SLFN11: variants seen among roughly 807,000 people sequenced by gnomAD.
SLFN11 encodes schlafen family member 11.
A neutral mutation model predicts 53.4 loss-of-function variants in SLFN11; 43 were observed. That is an observed-to-expected ratio of 0.80 (90% CI 0.63 to 1.04). The LOEUF is 1.04. SLFN11 is among the 50% of genes least tolerant of loss of function. SLFN11 has a pLI of 0.00. For missense variants in SLFN11, 990 were observed against 1,079.1 expected, an observed-to-expected ratio of 0.92 and a Z score of 1.16; for synonymous variants, 389 against 394.7, an observed-to-expected ratio of 0.99 and a Z score of 0.17.
chr17:35,360,452 G>C, intron 4 of SLFN11, 81 bp from the exon 5 acceptor site: 1 of 1,291,566 alleles, frequency 7.7e-7, no homozygotes, highest in Non-Finnish European at 1.1e-6. Context: ...TGGAATGTGT[G>C]ACTTTCTAAA....
chr17:35,363,880 T>A, intron 3 of SLFN11, 54 bp from the exon 4 acceptor site: 1 of 1,384,488 alleles, frequency 7.2e-7, no homozygotes. Flanking sequence ...TAAAAGGGTA[T>A]TTATTTTGTG....
intron 2 of SLFN11, 100 bp from the exon 3 acceptor site, chr17:35,367,163 AT>A (rs1218354969): frequency 6.6e-6 from 1 of 151,942 alleles, no homozygotes; most frequent in Non-Finnish European, 1.5e-5. Flanking sequence ...TCAAAATTCC[AT>A]TCTGCATTCC....
intron 1 of SLFN11, among the ~76,000 whole-genome samples, chr17:35,371,157 C>T (rs1404231330): frequency 1.3e-5 from 2 of 151,890 alleles, no homozygotes; most frequent in Non-Finnish European, 2.9e-5. Context: ...AGAACCCAGA[C>T]ACAAATACAC....
rs1440893778 is a variant in SLFN11, at chr17:35,362,984, T to C, written c.824A>G (p.Glu275Gly). 6.2e-7 allele frequency: 1 copy of C among 1,613,856 alleles called. No individual in the cohort carries two copies. The highest frequency in any genetic ancestry group is 8.5e-7 in the Non-Finnish European group (1 of 1,179,946). Residue 275 changes from glutamate (E) to glycine (G), a missense_variant, in exon 4 of 7, where the codon GAA becomes GGA. Physicochemically the swap from Glu to Gly is moderately conservative, Grantham distance 98 (BLOSUM62 -2). Around this residue, in one of 3 missense-constraint regions of SLFN11, gnomAD observed 521 missense variants for 516.2 expected, o/e 1.01. Transcript: ENST00000685675. ...VDPDSLRRKI[E>G]QAIYKLPCVH... ...ACAAGGTAGTTTGTATATGGCTTGT[T>C]CTATTTTCCTTCTCAAAGAGTCAGG...
chr17:35,363,553 A>T lies in SLFN11; in HGVS notation c.255T>A (p.Ile85=), dbSNP rs1466631616. ...LDLEQSLREL[I]QSSDLQAFFE... ...AGAAAGCCTGCAGATCTGAAGACTGAATAAGCTCTCTCAAAGACTGTTCTA... is the reference window on the plus strand; with the variant it reads ...AGAAAGCCTGCAGATCTGAAGACTGTATAAGCTCTCTCAAAGACTGTTCTA... The change falls in exon 4 of 7, where the codon ATT becomes ATA. Residue 85 remains isoleucine (I), a synonymous_variant. Transcript: ENST00000685675. The T allele has an allele frequency of 1.2e-6, 2 of 1,614,038 alleles. No individual in the cohort carries two copies. Among genetic ancestry groups the T allele is most frequent in the Admixed American group, 1.7e-5 (1 of 60,006 alleles).
At chr17:35,367,170 A>G (rs546445242) in intron 2 of SLFN11, 107 bp from the exon 3 acceptor site, 5 of 152,008 alleles carry the variant, frequency 3.3e-5, no homozygotes, top group Non-Finnish European at 7.4e-5. Context: ...TCCATTCTGC[A>G]TTCCAAGACC....
chr17:35,369,768 G>A (rs1319110957), intron 1 of SLFN11, among the ~76,000 whole-genome samples: 1 of 152,038 alleles, frequency 6.6e-6, no homozygotes, highest in African/African-American at 2.4e-5. Flanking sequence ...GGAAAATCTA[G>A]AGGAAATAAA....
chr17:35,370,791 T>C (rs899138927), intron 1 of SLFN11, among the ~76,000 whole-genome samples: 4 of 151,932 alleles, frequency 2.6e-5, no homozygotes, highest in Admixed American at 6.6e-5. Context: ...ATAAAAACTA[T>C]AAAATCATGA....
intron 3 of SLFN11, among the ~76,000 whole-genome samples, chr17:35,364,558 A>G (rs1340196255): frequency 6.6e-6 from 1 of 152,176 alleles, no homozygotes; most frequent in Non-Finnish European, 1.5e-5. Context: ...ACACCTGGGC[A>G]GTGGGCACCA....
rs1018415887 is a variant in SLFN11 at position 35,360,331 on chromosome 17, A to G, written c.1110T>C (p.Ser370=). ...TGCTAAGGGGAGGCCCACTAGATAGACTCAGCTGACATTCAAAATCTTCAG... is the reference window on the plus strand; with the variant it reads ...TGCTAAGGGGAGGCCCACTAGATAGGCTCAGCTGACATTCAAAATCTTCAG... The part of the protein sequence containing the change: ...QLSEDFECQL[S]LSSGPPLSRP... Residue 370 remains serine (S), a synonymous_variant, in exon 5 of 7, where the codon AGT becomes AGC. Coordinates refer to ENST00000685675, the MANE Select transcript of SLFN11 (RefSeq NM_001376007.1). 1.2e-6 allele frequency: 2 copies of G among 1,609,194 alleles called. No individual in the cohort carries two copies. Among genetic ancestry groups the G allele is most frequent in the African/African-American group, 2.7e-5 (2 of 74,056 alleles).
At chr17:35,365,079 C>G (rs1007771551) in intron 3 of SLFN11, among the ~76,000 whole-genome samples, 17 of 151,588 alleles carry the variant, frequency 1.1e-4, no homozygotes, top group African/African-American at 4.1e-4. Context: ...CAGTGAAAGC[C>G]CTGAAAAGAG....
At chr17:35,373,141 A>G (rs1216399966) in intron 1 of SLFN11, among the ~76,000 whole-genome samples, 1 of 152,030 alleles carries the variant, frequency 6.6e-6, no homozygotes, top group African/African-American at 2.4e-5. Flanking sequence ...GTGGCCTTCT[A>G]GGCTTCGGTT....
chr17:35,366,553 C>T (rs1167451789), intron 3 of SLFN11, among the ~76,000 whole-genome samples: 1 of 151,834 alleles, frequency 6.6e-6, no homozygotes, highest in East Asian at 1.9e-4. Flanking sequence ...TCAGTAAATT[C>T]ATAAACTATT....
chr17:35,361,263 G>A (rs554642910), intron 4 of SLFN11, among the ~76,000 whole-genome samples: 1 of 152,208 alleles, frequency 6.6e-6, no homozygotes, highest in African/African-American at 2.4e-5. Flanking sequence ...TGCAAGGCAA[G>A]AAATATTTCA....
At chr17:35,365,432 C>G (rs967746086) in intron 3 of SLFN11, among the ~76,000 whole-genome samples, 1 of 149,876 alleles carries the variant, frequency 6.7e-6, no homozygotes, top group Non-Finnish European at 1.5e-5. Flanking sequence ...TACAGGCGCA[C>G]AGCCACTATA....
At chr17:35,354,633 C>T (rs992013334) in intron 5 of SLFN11, among the ~76,000 whole-genome samples, 8 of 152,178 alleles carry the variant, frequency 5.3e-5, no homozygotes, top group African/African-American at 1.7e-4. Context: ...AAGCAGAATT[C>T]TTGCATCACT....
Position 35,354,316 on chromosome 17 carries a change from G to T in SLFN11, c.1199-257C>A, listed in dbSNP as rs79437098. Among the ~76,000 whole-genome samples the T allele has an allele frequency of 1.7e-3, 253 of 152,176 alleles. 11 individuals carry two copies. In the East Asian group the frequency reaches 0.044, roughly 27 times the overall value. ...AGCCTAAGACTTTGCTGTCTCATCT[G>T]TAAAACAAAACTAAGAATAGCACAT... On this transcript the variant is annotated intron_variant, in intron 5 of 6. Coordinates refer to ENST00000685675, the MANE Select transcript of SLFN11 (RefSeq NM_001376007.1).
Position 35,363,218 on chromosome 17 carries a change from T to C in SLFN11, c.590A>G (p.Asp197Gly). The C allele has an allele frequency of 1.2e-6, 2 of 1,614,088 alleles. No homozygotes were observed. The highest frequency in any genetic ancestry group is 2.2e-5 in the East Asian group (1 of 44,878). The change falls in exon 4 of 7, where the codon GAC becomes GGC. Residue 197 changes from aspartate to glycine, a missense_variant. Coordinates refer to ENST00000685675, the MANE Select transcript of SLFN11 (RefSeq NM_001376007.1). ...SDPADLIFQK[D>G]YLEYGEILPF... ...CAGGATTTCACCATATTCAAGATAG[T>C]CTTTTTGGAAAATTAGGTCAGCAGG...
At chr17:35,353,200 T>C (rs1340317533) in intron 6 of SLFN11, 61 bp from the exon 7 acceptor site, 4 of 1,591,730 alleles carry the variant, frequency 2.5e-6, no homozygotes, top group Non-Finnish European at 3.4e-6. Context: ...AGAAAATAAT[T>C]GTATCATGTT....
Sources: allele counts gnomAD v4.1 joint callset (sites outside exome capture counted in the v4.1 genomes callset), GRCh38; gene constraint gnomAD v4.1.1; regional missense constraint gnomAD v4.1.1; transcripts MANE v1.5; gene names NCBI Gene and HGNC (gene_info 2026-07-23, HGNC 2026-07-21).